Variants in ITPR1 observed in about 807,000 individuals in gnomAD.
ITPR1 encodes the protein inositol 1,4,5-trisphosphate receptor type 1.
In ITPR1, 96 loss-of-function variants were observed where a neutral mutation model predicts 318.4. The observed-to-expected ratio is 0.30, with a 90% confidence interval of 0.26 to 0.36. ITPR1 has a LOEUF of 0.36. ITPR1 is among the 10% of genes least tolerant of loss of function. The pLI is 1.00. For missense variants in ITPR1, 2,440 were observed against 3,460.2 expected (o/e 0.71, Z 7.40); for synonymous variants, 1,312 against 1,289.9 (o/e 1.02, Z -0.37).
intron 49 of ITPR1, among the ~76,000 whole-genome samples, chr3:4,780,520 C>A (rs879485814): frequency 6.6e-6 from 1 of 152,138 alleles, no homozygotes; most frequent in Non-Finnish European, 1.5e-5. Flanking sequence ...GAGGGCAGAG[C>A]TCTCTATTTG....
rs1319777058 is a variant in ITPR1 at position 4,673,384 on chromosome 3, A to T, written c.2453A>T (p.Asp818Val). The T allele has an allele frequency of 1.9e-6, 3 of 1,602,302 alleles. No homozygotes were observed. The highest frequency in any genetic ancestry group is 2.6e-6 in the Non-Finnish European group (3 of 1,171,324). ...GAGATTCCCTCGGAGATCGCCATTG[A>T]CGAGTGAGCCTGGCACCTGAAAACC... ...WSEIPSEIAI[D>V]DYDSSGASKD... Residue 818 changes from aspartate (D) to valine (V), a missense_variant, in exon 21 of 62, where the codon GAC becomes GTC. Transcript: ENST00000649015.
chr3:4,520,931 C>T (rs943720373), intron 3 of ITPR1, 93 bp from the exon 4 acceptor site: 47 of 900,724 alleles, frequency 5.2e-5, no homozygotes, highest in Non-Finnish European at 6.8e-5. Context: ...CTAAATGTTG[C>T]GCAGGAAAAG....
intron 51 of ITPR1, among the ~76,000 whole-genome samples, chr3:4,787,652 C>T (rs903375430): frequency 2.0e-5 from 3 of 151,976 alleles, no homozygotes; most frequent in Admixed American, 1.3e-4. Context: ...GAGCCAAGAT[C>T]GCACCACTGC....
rs2050114892 is a variant in ITPR1 at position 4,826,915 on chromosome 3, G to A, written c.8028+8673G>A. On this transcript the variant is annotated intron_variant, in intron 60 of 61. Transcript: ENST00000649015. The surrounding 1 kb of genome is among the most constrained non-coding windows in gnomAD (Gnocchi z 4.2). ...TGCTAAGGGAGAGCATGGGGCGTGA[G>A]TCAGGTATACCCAGGAGTCTAGTCT... 6.6e-6 allele frequency among the ~76,000 whole-genome samples: 1 copy of A among 152,150 alleles called. No homozygotes were observed. Among genetic ancestry groups the A allele is most frequent in the Non-Finnish European group, 1.5e-5 (1 of 68,040 alleles).
At chr3:4,688,290 A>G (rs1417835315) in intron 30 of ITPR1, among the ~76,000 whole-genome samples, 1 of 152,082 alleles carries the variant, frequency 6.6e-6, no homozygotes, top group East Asian at 1.9e-4. Context: ...CCTCCCACCC[A>G]AATAAGATCT....
chr3:4,523,683 C>G (rs1238260105), intron 4 of ITPR1, among the ~76,000 whole-genome samples: 1 of 152,214 alleles, frequency 6.6e-6, no homozygotes, highest in South Asian at 2.1e-4. Context: ...ATTCGTCTTT[C>G]TGTGCCTGGC....
intron 4 of ITPR1, among the ~76,000 whole-genome samples, chr3:4,583,910 A>G (rs2089611856): frequency 1.3e-5 from 2 of 152,196 alleles, no homozygotes; most frequent in African/African-American, 4.8e-5. Context: ...CTTCCCTTTG[A>G]AACTAGGTAC....
At chr3:4,609,211 A>G (rs867932692) in intron 4 of ITPR1, among the ~76,000 whole-genome samples, 4 of 149,574 alleles carry the variant, frequency 2.7e-5, no homozygotes, top group African/African-American at 7.4e-5. Context: ...ATAAGCCTCT[A>G]TTTGGGGTGG....
chr3:4,756,570 G>C (rs548779197), intron 44 of ITPR1, among the ~76,000 whole-genome samples: 8 of 152,220 alleles, frequency 5.3e-5, no homozygotes, highest in African/African-American at 1.9e-4. Context: ...TTATACGCCA[G>C]AACGTGCAGT....
chr3:4,814,924 G>A (rs2049190041), intron 58 of ITPR1, 129 bp from the exon 59 acceptor site: 5 of 795,004 alleles, frequency 6.3e-6, no homozygotes, highest in Non-Finnish European at 1.0e-5. Flanking sequence ...GCAGTTTTCA[G>A]TTTAAAAGTT....
chr3:4,604,980 T>C (rs1477692890), intron 4 of ITPR1, among the ~76,000 whole-genome samples: 3 of 152,012 alleles, frequency 2.0e-5, no homozygotes, highest in Non-Finnish European at 4.4e-5. Flanking sequence ...CTATTTTTTT[T>C]TGGGTGGGGG....
At position 4,688,379 on chromosome 3, in the gene ITPR1, C is replaced by T. The variant is rs573252982; in HGVS notation, c.3703-116C>T. On this transcript the variant is annotated intron_variant, in intron 30 of 61. Transcript: ENST00000649015. ...AGTGCAGCCCCTCAATATTTACCCA[C>T]AACAGGTCCCCAGCAAACACCTTCT... 27 of 1,266,102 alleles carry T rather than the reference C, an allele frequency of 2.1e-5. No homozygotes were observed. The East Asian group carries it at 6.1e-4, about 28-fold the overall frequency. 78.4% of individuals were successfully genotyped at this position (1,266,102 alleles called of 1,614,324 possible).
intron 4 of ITPR1, among the ~76,000 whole-genome samples, chr3:4,533,796 G>C (rs570784953): frequency 1.3e-5 from 2 of 152,150 alleles, no homozygotes; most frequent in South Asian, 2.1e-4. Context: ...TTCTCTCCTC[G>C]CACGAGCCTT....
At chr3:4,568,961 A>G (rs978535263) in intron 4 of ITPR1, among the ~76,000 whole-genome samples, 2 of 152,110 alleles carry the variant, frequency 1.3e-5, no homozygotes, top group Admixed American at 6.5e-5. Flanking sequence ...GGTATGTCAC[A>G]TGGCAAAAGC....
chr3:4,726,469 T>C (rs377520635), intron 41 of ITPR1, among the ~76,000 whole-genome samples: 1 of 152,228 alleles, frequency 6.6e-6, no homozygotes, highest in African/African-American at 2.4e-5. Context: ...GTATCAAAAT[T>C]TAATTTCAGA....
Position 4,813,185 on chromosome 3 carries a change from G to A in ITPR1, c.7512G>A (p.Val2504=). 6.2e-7 allele frequency: 1 copy of A among 1,613,966 alleles called. No individual in the cohort carries two copies. The highest frequency in any genetic ancestry group is 8.5e-7 in the Non-Finnish European group (1 of 1,179,844). The stretch of plus-strand genomic sequence containing the variant: ...CAAGCGAGTTCCTGTTCTCCGATGT[G>A]TGTAGGGTGGAGAGTGGGGAGAACT... ...SLASEFLFSD[V]CRVESGENCS... is the part of the protein sequence containing the mutation. Residue 2504 remains valine, a synonymous_variant, in exon 57 of 62, where the codon GTG becomes GTA. Transcript: ENST00000649015.
chr3:4,721,500 G>C (rs1467862837), intron 40 of ITPR1, among the ~76,000 whole-genome samples: 1 of 151,964 alleles, frequency 6.6e-6, no homozygotes, highest in Non-Finnish European at 1.5e-5. Context: ...TCTTAGTGTG[G>C]GTTTTCAGAG....
intron 4 of ITPR1, among the ~76,000 whole-genome samples, chr3:4,587,835 A>G (rs914721832): frequency 2.6e-5 from 4 of 152,204 alleles, no homozygotes; most frequent in Non-Finnish European, 4.4e-5. Flanking sequence ...AATCTTTGTC[A>G]CTGAAGGCTG....
At chr3:4,816,258 C>G (rs1285024494) in intron 59 of ITPR1, 1 of 152,204 alleles carries the variant, frequency 6.6e-6, no homozygotes, top group South Asian at 2.1e-4. Flanking sequence ...CCTCGTGAGC[C>G]TCCGCTGACA....
Sources: allele counts gnomAD v4.1 joint callset (sites outside exome capture counted in the v4.1 genomes callset), GRCh38; gene constraint gnomAD v4.1.1; non-coding constraint Gnocchi (gnomAD v3.1); transcripts MANE v1.5; gene names NCBI Gene and HGNC (gene_info 2026-07-23, HGNC 2026-07-21).